CLVS1: variants seen among roughly 807,000 people sequenced by gnomAD.
CLVS1 encodes the protein clavesin 1.
In CLVS1, 10 loss-of-function variants were observed where a neutral mutation model predicts 33.1. The ratio of observed to expected loss-of-function variants is 0.30; its 90% CI spans 0.19 to 0.51. The LOEUF (loss-of-function observed/expected upper bound fraction) is 0.51. Among genes scored for constraint, CLVS1 ranks in the 20% least tolerant of loss-of-function variants. The pLI, the probability that CLVS1 is intolerant of heterozygous loss-of-function variation, is 0.97. For missense variants in CLVS1, 343 were observed against 433.4 expected, an observed-to-expected ratio of 0.79 and a Z score of 1.85; for synonymous variants, 163 against 166.1, an observed-to-expected ratio of 0.98 and a Z score of 0.14.
intron 5 of CLVS1, among the ~76,000 whole-genome samples, chr8:61,463,038 T>A (rs1244134588): frequency 6.6e-6 from 1 of 152,214 alleles, no homozygotes; most frequent in Non-Finnish European, 1.5e-5. Context: ...ATCAATGATC[T>A]TTCCTAGATC....
At chr8:61,399,130 C>T (rs547378426) in intron 3 of CLVS1, among the ~76,000 whole-genome samples, 12 of 152,304 alleles carry the variant, frequency 7.9e-5, no homozygotes, top group African/African-American at 2.4e-4. Flanking sequence ...TCTCTAAAGT[C>T]TCTTCCACAA....
At chr8:61,231,024 C>T (rs992563216) in intron 2 of CLVS1, among the ~76,000 whole-genome samples, 2 of 152,090 alleles carry the variant, frequency 1.3e-5, no homozygotes, top group Non-Finnish European at 2.9e-5. Context: ...AATACCATCA[C>T]CTTGGGGATT....
intron 3 of CLVS1, among the ~76,000 whole-genome samples, chr8:61,448,001 T>A (rs1273349486): frequency 2.0e-5 from 3 of 152,160 alleles, no homozygotes; most frequent in Non-Finnish European, 4.4e-5. Context: ...TTCTCTTGAT[T>A]CTTGAAGAGC....
At chr8:61,012,927 G>T in the CLVS1 span, among the ~76,000 whole-genome samples, 2 of 152,192 alleles carry the variant, frequency 1.3e-5, no homozygotes, top group Admixed American at 1.3e-4. Flanking sequence ...CGTGGCTCAG[G>T]ATTCTTGTAA....
At chr8:61,360,370 G>A (rs1305037376) in intron 2 of CLVS1, among the ~76,000 whole-genome samples, 3 of 152,146 alleles carry the variant, frequency 2.0e-5, no homozygotes, top group Non-Finnish European at 4.4e-5. Flanking sequence ...ACTATGGAAA[G>A]CATCCCATAG....
chr8:61,242,960 A>G (rs1463748437), intron 2 of CLVS1, among the ~76,000 whole-genome samples: 1 of 148,778 alleles, frequency 6.7e-6, no homozygotes, highest in African/African-American at 2.4e-5. Flanking sequence ...TTCATCTCAG[A>G]GTTATCATTT....
chr8:61,356,768 A>G (rs1276315467), intron 2 of CLVS1, among the ~76,000 whole-genome samples: 1 of 152,076 alleles, frequency 6.6e-6, no homozygotes, highest in African/African-American at 2.4e-5. Context: ...TGTTCCATTG[A>G]TCTATATCTC....
At chr8:61,474,030 A>C (rs1212982273) in intron 5 of CLVS1, among the ~76,000 whole-genome samples, 1 of 152,200 alleles carries the variant, frequency 6.6e-6, no homozygotes. Context: ...TAAAGAGGCA[A>C]ATGCAAGCCA....
At chr8:61,185,928 T>A (rs1311992902) in intron 2 of CLVS1, among the ~76,000 whole-genome samples, 1 of 152,226 alleles carries the variant, frequency 6.6e-6, no homozygotes, top group Non-Finnish European at 1.5e-5. Context: ...ATTACTGCCA[T>A]GTTTCCAAAT....
intron 1 of CLVS1, among the ~76,000 whole-genome samples, chr8:61,072,744 C>A (rs961953805): frequency 6.6e-6 from 1 of 152,220 alleles, no homozygotes; most frequent in African/African-American, 2.4e-5. Flanking sequence ...TCCCAGCTCA[C>A]ACTCTCACAT....
chr8:61,150,355 C>A (rs917473681), intron 2 of CLVS1, among the ~76,000 whole-genome samples: 9 of 152,124 alleles, frequency 5.9e-5, no homozygotes, highest in Non-Finnish European at 5.9e-5. Flanking sequence ...CCATGGTTGA[C>A]CAGACGCTTG....
chr8:61,122,076 C>G (rs1805882135), intron 1 of CLVS1, among the ~76,000 whole-genome samples: 1 of 152,190 alleles, frequency 6.6e-6, no homozygotes, highest in Admixed American at 6.5e-5. Context: ...AACTATAAAA[C>G]CCCCAGAAGG....
intron 3 of CLVS1, among the ~76,000 whole-genome samples, chr8:61,417,377 G>A (rs934009094): frequency 6.6e-6 from 1 of 151,824 alleles, no homozygotes; most frequent in Non-Finnish European, 1.5e-5. Context: ...TTTTTTCTTT[G>A]AATGTGATAC....
chr8:61,172,891 A>G (rs1807034520), intron 2 of CLVS1, among the ~76,000 whole-genome samples: 1 of 152,120 alleles, frequency 6.6e-6, no homozygotes, highest in Non-Finnish European at 1.5e-5. Context: ...TTTTTCCATG[A>G]GGCATTTCTT....
intron 1 of CLVS1, among the ~76,000 whole-genome samples, chr8:61,093,985 C>T (rs1338756885): frequency 3.3e-5 from 5 of 152,198 alleles, no homozygotes; most frequent in South Asian, 2.1e-4. Context: ...ATGGGGTTTT[C>T]GGTCATTTGG....
the CLVS1 span, among the ~76,000 whole-genome samples, chr8:61,019,994 G>A: frequency 5.1e-3 from 778 of 152,298 alleles, 7 homozygotes; most frequent in African/African-American, 0.018. Flanking sequence ...AAACATGGTG[G>A]CCAACAATGA....
At chr8:61,187,412 T>A (rs1193545067) in intron 2 of CLVS1, among the ~76,000 whole-genome samples, 1 of 152,138 alleles carries the variant, frequency 6.6e-6, no homozygotes, top group African/African-American at 2.4e-5. Flanking sequence ...ACAAAACATG[T>A]GCTGACCTTC....
In CLVS1 at chr8:61,075,413, G is replaced by C. The variant is rs1804892780; in HGVS notation, c.-243+18183G>C. Reference sequence around the variant, plus strand: ...ATAAGCACCCTCCAGTGTTGACAAAGCTCCAACATCTGCAAAGGCTGAAAG... The same window carrying C: ...ATAAGCACCCTCCAGTGTTGACAAACCTCCAACATCTGCAAAGGCTGAAAG... On this transcript the variant is annotated intron_variant, in intron 1 of 2. Transcript: ENST00000522621. Among the ~76,000 whole-genome samples the C allele has an allele frequency of 2.0e-5, 3 of 152,174 alleles. No homozygotes were observed. In the South Asian group the frequency reaches 6.2e-4, roughly 32 times the overall value.
intron 1 of CLVS1, among the ~76,000 whole-genome samples, chr8:61,294,455 C>A (rs1051496240): frequency 2.0e-5 from 3 of 151,838 alleles, no homozygotes; most frequent in Non-Finnish European, 4.4e-5. Context: ...TGTTATGTAC[C>A]CCGAATATTT....
Sources: allele counts gnomAD v4.1 joint callset (sites outside exome capture counted in the v4.1 genomes callset), GRCh38; gene constraint gnomAD v4.1.1; transcripts MANE v1.5; gene names NCBI Gene and HGNC (gene_info 2026-07-23, HGNC 2026-07-21).